RBMS1: variants seen among roughly 807,000 people sequenced by gnomAD.
RBMS1 encodes RNA-binding motif, single-stranded-interacting protein 1.
Under a neutral mutation model 62.3 loss-of-function variants are expected in RBMS1, and 17 were observed. The observed-to-expected ratio is 0.27, with a 90% CI of 0.19 to 0.41. RBMS1 has a LOEUF of 0.41. Among genes scored for constraint, RBMS1 ranks in the 10% least tolerant of loss-of-function variants. The pLI is 1.00. For missense variants in RBMS1, 334 were observed against 504.5 expected (o/e 0.66, Z 3.24); for synonymous variants, 172 against 170.0 (o/e 1.01, Z -0.09).
intron 2 of RBMS1, among the ~76,000 whole-genome samples, chr2:160,357,693 T>C (rs1330726692): frequency 6.6e-6 from 1 of 152,132 alleles, no homozygotes; most frequent in Non-Finnish European, 1.5e-5. Flanking sequence ...CATAGCCCAT[T>C]ACCTAAGGTC....
intron 1 of RBMS1, among the ~76,000 whole-genome samples, chr2:160,422,395 T>C (rs761751862): frequency 5.9e-5 from 9 of 152,222 alleles, no homozygotes; most frequent in Non-Finnish European, 1.3e-4. Context: ...TTCCAATTCT[T>C]CCATCTATTC....
intron 1 of RBMS1, among the ~76,000 whole-genome samples, chr2:160,476,006 G>A (rs1444753347): frequency 6.6e-6 from 1 of 151,790 alleles, no homozygotes; most frequent in Non-Finnish European, 1.5e-5. Context: ...ACAGGAACAA[G>A]CCACCACATC....
chr2:160,468,697 G>A (rs1054620632), intron 1 of RBMS1, among the ~76,000 whole-genome samples: 3 of 152,108 alleles, frequency 2.0e-5, no homozygotes, highest in Non-Finnish European at 2.9e-5. Context: ...AAAGTTTGAG[G>A]TAACTTCATC....
intron 7 of RBMS1, 90 bp from the exon 8 acceptor site, chr2:160,285,134 G>GT: frequency 7.8e-7 from 1 of 1,281,964 alleles, no homozygotes; most frequent in Non-Finnish European, 1.1e-6. Flanking sequence ...GTGTGCACCT[G>GT]TAGTCCCAGC....
chr2:160,294,952 TAAAG>T (rs1688858360), intron 6 of RBMS1, among the ~76,000 whole-genome samples: 1 of 146,182 alleles, frequency 6.8e-6, no homozygotes, highest in Non-Finnish European at 1.5e-5. Context: ...TCAGGGGATA[TAAAG>T]AAAGAACAGT....
intron 1 of RBMS1, among the ~76,000 whole-genome samples, chr2:160,371,955 T>C (rs866360502): frequency 3.9e-5 from 6 of 152,132 alleles, no homozygotes; most frequent in Non-Finnish European, 7.4e-5. Flanking sequence ...AAGAGAGAAA[T>C]AGTCTCTCCT....
At chr2:160,408,178 C>T (rs1695871845) in intron 1 of RBMS1, among the ~76,000 whole-genome samples, 1 of 151,886 alleles carries the variant, frequency 6.6e-6, no homozygotes, top group African/African-American at 2.4e-5. Context: ...TGTTCTTTTT[C>T]CCCCTCGGTT....
chr2:160,366,186 C>A (rs1458380697), intron 2 of RBMS1, among the ~76,000 whole-genome samples: 1 of 152,162 alleles, frequency 6.6e-6, no homozygotes, highest in Non-Finnish European at 1.5e-5. Flanking sequence ...CTTCCCCCAC[C>A]CATGGAAGGC....
At chr2:160,321,651 C>A (rs1221155053) in intron 2 of RBMS1, among the ~76,000 whole-genome samples, 1 of 152,132 alleles carries the variant, frequency 6.6e-6, no homozygotes, top group Non-Finnish European at 1.5e-5. Flanking sequence ...TTATCTCAAA[C>A]ATGGCTTTCC....
At chr2:160,358,455 T>C (rs1407615135) in intron 2 of RBMS1, among the ~76,000 whole-genome samples, 1 of 152,178 alleles carries the variant, frequency 6.6e-6, no homozygotes, top group Non-Finnish European at 1.5e-5. Flanking sequence ...TGTCATCCTA[T>C]TATGCTAGCA....
chr2:160,390,221 G>A (rs1173416239), intron 1 of RBMS1, among the ~76,000 whole-genome samples: 1 of 152,168 alleles, frequency 6.6e-6, no homozygotes, highest in Non-Finnish European at 1.5e-5. Context: ...TTGTTCTAAT[G>A]TAATAAAGAG....
At chr2:160,339,739 C>G (rs947521903) in intron 2 of RBMS1, among the ~76,000 whole-genome samples, 1 of 151,988 alleles carries the variant, frequency 6.6e-6, no homozygotes, top group East Asian at 1.9e-4. Flanking sequence ...CATACATACA[C>G]GTATATATAA....
chr2:160,299,265 A>C (rs1034840820), intron 6 of RBMS1, among the ~76,000 whole-genome samples: 29 of 152,204 alleles, frequency 1.9e-4, no homozygotes, highest in Non-Finnish European at 3.8e-4. Flanking sequence ...TGCTTAGTTT[A>C]GTTTCTAGAT....
intron 1 of RBMS1, among the ~76,000 whole-genome samples, chr2:160,369,238 T>C (rs1251697729): frequency 6.6e-6 from 1 of 152,202 alleles, no homozygotes; most frequent in Non-Finnish European, 1.5e-5. Context: ...GCTGAACTCA[T>C]ATCCTTTCTC....
intron 1 of RBMS1, among the ~76,000 whole-genome samples, chr2:160,420,916 T>G (rs1696398143): frequency 6.6e-6 from 1 of 152,206 alleles, no homozygotes; most frequent in Admixed American, 6.5e-5. Flanking sequence ...AATGATTCAC[T>G]GTTATCTTGG....
Position 160,493,426 on chromosome 2 carries a change from T to C in RBMS1, c.-63A>G. 6.7e-7 allele frequency: 1 copy of C among 1,497,334 alleles called. No individual in the cohort carries two copies. Among genetic ancestry groups the C allele is most frequent in the Non-Finnish European group, 9.3e-7 (1 of 1,078,828 alleles). The allele number at this position is 1,497,334 out of a possible 1,614,324, so 92.8% of individuals were successfully genotyped here. A position where few individuals can be genotyped will look rare whatever the true frequency, so the allele number is the denominator to read the frequency against. ...ACTTTGGGGTTTCCAAGTCTCGGGC[T>C]CTCCTGCCTCTCCCTTTCCGGCGGC... On this transcript the variant is annotated 5_prime_UTR_variant, in exon 1 of 14. Transcript: ENST00000348849.
chr2:160,481,093 A>G (rs909015275), intron 1 of RBMS1, among the ~76,000 whole-genome samples: 2 of 151,648 alleles, frequency 1.3e-5, no homozygotes, highest in African/African-American at 4.8e-5. Context: ...AAAAAAAAAA[A>G]AAAAAGCAGG....
At chr2:160,364,244 T>C (rs551567663) in intron 2 of RBMS1, among the ~76,000 whole-genome samples, 1 of 152,344 alleles carries the variant, frequency 6.6e-6, no homozygotes, top group Admixed American at 6.5e-5. Flanking sequence ...TGGTTAACTG[T>C]ACTGATATCT....
chr2:160,414,879 C>A (rs369630050), intron 1 of RBMS1, among the ~76,000 whole-genome samples: 1 of 151,368 alleles, frequency 6.6e-6, no homozygotes, highest in Admixed American at 6.6e-5. Context: ...AAAACAGGTA[C>A]ATGGAGTCAT....
Sources: allele counts gnomAD v4.1 joint callset (sites outside exome capture counted in the v4.1 genomes callset), GRCh38; gene constraint gnomAD v4.1.1; transcripts MANE v1.5; gene names NCBI Gene and HGNC (gene_info 2026-07-23, HGNC 2026-07-21).